Variants in CNBD1 observed in about 807,000 individuals in gnomAD.
CNBD1 encodes cyclic nucleotide-binding domain-containing protein 1.
In CNBD1, 71 loss-of-function variants were observed where a neutral mutation model predicts 54.4. The ratio of observed to expected loss-of-function variants is 1.30; its 90% confidence interval spans 1.08 to 1.59. The LOEUF (loss-of-function observed/expected upper bound fraction) is 1.59. Among genes scored for constraint, CNBD1 ranks in the 40% most tolerant of loss-of-function variants. CNBD1 has a pLI of 0.00. For synonymous variants in CNBD1, 182 were observed against 170.7 expected (o/e 1.07, Z -0.51); for missense variants, 659 against 518.0 (o/e 1.27, Z -2.64).
chr8:87,349,234 A>G (rs779995991), intron 8 of CNBD1, among the ~76,000 whole-genome samples: 18 of 152,210 alleles, frequency 1.2e-4, no homozygotes, highest in Non-Finnish European at 2.4e-4. Context: ...TCTTGACAGC[A>G]TAAGTTCTTA....
At chr8:87,372,603 G>T (rs1310274160) in intron 10 of CNBD1, among the ~76,000 whole-genome samples, 1 of 151,780 alleles carries the variant, frequency 6.6e-6, no homozygotes, top group Non-Finnish European at 1.5e-5. Flanking sequence ...TATAAACATT[G>T]ATGACATTGA....
intron 4 of CNBD1, among the ~76,000 whole-genome samples, chr8:87,053,982 TCTTC>T (rs1361939458): frequency 1.3e-5 from 2 of 152,256 alleles, no homozygotes; most frequent in Non-Finnish European, 2.9e-5. Flanking sequence ...TGAATGGCTG[TCTTC>T]CTTCAGATGG....
At chr8:87,427,210 T>G (rs1342540438) in intron 2 of CNBD1, among the ~76,000 whole-genome samples, 2 of 152,140 alleles carry the variant, frequency 1.3e-5, no homozygotes, top group African/African-American at 4.8e-5. Flanking sequence ...CATTATCTTG[T>G]ATGTCCTTTG....
intron 3 of CNBD1, among the ~76,000 whole-genome samples, chr8:86,934,478 C>CA (rs1469171171): frequency 6.6e-6 from 1 of 152,110 alleles, no homozygotes; most frequent in Non-Finnish European, 1.5e-5. Flanking sequence ...CCAATTCTTA[C>CA]ATTTTGTAGT....
At chr8:87,268,352 A>G (rs754726327) in intron 6 of CNBD1, among the ~76,000 whole-genome samples, 1 of 152,116 alleles carries the variant, frequency 6.6e-6, no homozygotes, top group African/African-American at 2.4e-5. Context: ...CCAGTCCACC[A>G]TGATGGGCAT....
chr8:86,884,505 C>G (rs1231344771), intron 1 of CNBD1, among the ~76,000 whole-genome samples: 1 of 152,094 alleles, frequency 6.6e-6, no homozygotes, highest in Non-Finnish European at 1.5e-5. Flanking sequence ...TGGGTAGATA[C>G]ACTATGAACC....
At chr8:87,335,257 C>T (rs1809920545) in intron 8 of CNBD1, among the ~76,000 whole-genome samples, 1 of 152,002 alleles carries the variant, frequency 6.6e-6, no homozygotes, top group African/African-American at 2.4e-5. Context: ...CCTGAATATC[C>T]TCGTTAATTT....
intron 4 of CNBD1, among the ~76,000 whole-genome samples, chr8:87,114,476 A>T (rs1811730620): frequency 6.6e-6 from 1 of 152,002 alleles, no homozygotes; most frequent in Non-Finnish European, 1.5e-5. Context: ...TCAGCTTTCC[A>T]GGTAGCTGGG....
intron 4 of CNBD1, among the ~76,000 whole-genome samples, chr8:87,093,988 T>C (rs933917229): frequency 1.3e-5 from 2 of 152,204 alleles, no homozygotes; most frequent in African/African-American, 4.8e-5. Flanking sequence ...AAGTAATGGC[T>C]GGATCTACCT....
intron 6 of CNBD1, among the ~76,000 whole-genome samples, chr8:87,240,065 A>AACACACACAC (rs10608912): frequency 1.0e-4 from 15 of 146,518 alleles, no homozygotes; most frequent in African/African-American, 3.5e-4. Flanking sequence ...TCTGTGCCAA[A>AACACACACAC]ACACACACAC....
chr8:87,254,127 T>C (rs1212558430), intron 6 of CNBD1, among the ~76,000 whole-genome samples: 1 of 152,164 alleles, frequency 6.6e-6, no homozygotes, highest in Admixed American at 6.6e-5. Flanking sequence ...ATATTCCAAA[T>C]AGTAGTGACA....
At chr8:87,330,406 T>G (rs929223973) in intron 8 of CNBD1, among the ~76,000 whole-genome samples, 3 of 152,040 alleles carry the variant, frequency 2.0e-5, no homozygotes, top group African/African-American at 7.2e-5. Flanking sequence ...ATTAATTTCT[T>G]CTTCCTTTCT....
intron 2 of CNBD1, among the ~76,000 whole-genome samples, chr8:87,404,643 C>T (rs1205281850): frequency 6.6e-6 from 1 of 152,066 alleles, no homozygotes; most frequent in Non-Finnish European, 1.5e-5. Flanking sequence ...AAAAATGGAT[C>T]TGTAGTACCC....
chr8:87,402,860 C>G (rs963220147), intron 2 of CNBD1, among the ~76,000 whole-genome samples: 1 of 151,914 alleles, frequency 6.6e-6, no homozygotes, highest in African/African-American at 2.4e-5. Flanking sequence ...GAGACTATTG[C>G]AATAGTTAAA....
intron 4 of CNBD1, among the ~76,000 whole-genome samples, chr8:86,975,845 G>A (rs1808329053): frequency 6.6e-6 from 1 of 151,984 alleles, no homozygotes; most frequent in Admixed American, 6.6e-5. Context: ...ATTACCACCA[G>A]CAACGTACAA....
chr8:86,989,012 G>A (rs540687684), intron 4 of CNBD1, among the ~76,000 whole-genome samples: 4 of 152,088 alleles, frequency 2.6e-5, no homozygotes, highest in Non-Finnish European at 5.9e-5. Flanking sequence ...GCTCATACCT[G>A]TAACCCCAGC....
At chr8:87,010,487 G>T (rs1378916595) in intron 4 of CNBD1, among the ~76,000 whole-genome samples, 1 of 152,110 alleles carries the variant, frequency 6.6e-6, no homozygotes, top group Non-Finnish European at 1.5e-5. Flanking sequence ...GGTGGCTCAT[G>T]CCTGTAATGC....
rs147892072 is a variant in CNBD1 at position 86,982,322 on chromosome 8, G to A, written c.431+42568G>A. Among the ~76,000 whole-genome samples, 534 of 152,222 alleles carry A rather than the reference G, an allele frequency of 3.5e-3. 2 individuals carry two copies. Among genetic ancestry groups the A allele is most frequent in the African/African-American group, 0.012 (516 of 41,540 alleles). On this transcript the variant is annotated intron_variant, in intron 4 of 10. Coordinates refer to ENST00000518476, the MANE Select transcript of CNBD1 (RefSeq NM_173538.3). ...TTCTGCAAATATTTTCTATCAGTTTGTGGCTTGTCTTTTTACTTCCTTGTG... is the reference window on the plus strand; with the variant it reads ...TTCTGCAAATATTTTCTATCAGTTTATGGCTTGTCTTTTTACTTCCTTGTG...
intron 3 of CNBD1, among the ~76,000 whole-genome samples, chr8:86,925,562 G>A (rs1336416952): frequency 1.3e-5 from 2 of 150,028 alleles, no homozygotes; most frequent in African/African-American, 4.9e-5. Flanking sequence ...TGGGGGTAAA[G>A]GCAGTAAAGA....
Sources: gnomAD v4.1 joint callset for allele counts (sites outside exome capture counted in the v4.1 genomes callset) on GRCh38, gnomAD v4.1.1 for gene constraint, MANE v1.5 for transcripts, NCBI Gene and HGNC (gene_info 2026-07-23, HGNC 2026-07-21) for gene names.